CDK15: variants seen among roughly 807,000 people sequenced by gnomAD.
The protein encoded by CDK15 is cyclin dependent kinase 15, also known as cyclin-dependent kinase 15.
In CDK15, 62 loss-of-function variants were observed where a neutral mutation model predicts 60.3. The observed-to-expected ratio is 1.03, with a 90% CI of 0.84 to 1.27. The LOEUF (loss-of-function observed/expected upper bound fraction) is 1.27, where lower values mean the gene tolerates loss of function less well. CDK15 is among the 50% of genes most tolerant of loss of function. The pLI, the probability that CDK15 is intolerant of heterozygous loss-of-function variation, is 0.00. For synonymous variants in CDK15, 194 were observed against 195.7 expected (o/e 0.99, Z 0.07); for missense variants, 541 against 527.8 (o/e 1.03, Z -0.25).
chr2:201,806,879 G>C (rs1039792251), intron 1 of CDK15, 92 bp downstream of exon 1: 2 of 1,457,542 alleles, frequency 1.4e-6, no homozygotes, highest in Admixed American at 3.6e-5. Flanking sequence ...ATTCTTCTGC[G>C]GTAGGTCTAA....
chr2:201,873,987 G>T (rs1698968139), intron 11 of CDK15, among the ~76,000 whole-genome samples: 1 of 151,192 alleles, frequency 6.6e-6, no homozygotes, highest in Non-Finnish European at 1.5e-5. Context: ...CCGGGAGGCG[G>T]AGGTTGCAGT....
At chr2:201,812,200 C>A (rs112033691) in intron 3 of CDK15, among the ~76,000 whole-genome samples, 8,212 of 134,302 alleles carry the variant, frequency 0.061, 351 homozygotes, top group African/African-American at 0.12. Flanking sequence ...AACAAAAAAA[C>A]AAAAAAACAC....
At chr2:201,888,769 C>T in intron 12 of CDK15, 1 of 1,178,326 alleles carries the variant, frequency 8.5e-7, no homozygotes, top group Non-Finnish European at 1.1e-6. Flanking sequence ...TTTTGAGGGG[C>T]AAGGAAGCCG....
chr2:201,817,056 C>T (rs1449874438), intron 4 of CDK15, among the ~76,000 whole-genome samples: 1 of 152,256 alleles, frequency 6.6e-6, no homozygotes, highest in African/African-American at 2.4e-5. Context: ...ACACCCGCTG[C>T]TGCTGAACAC....
At chr2:201,830,252 A>G (rs931145018) in intron 6 of CDK15, among the ~76,000 whole-genome samples, 1 of 152,152 alleles carries the variant, frequency 6.6e-6, no homozygotes, top group Non-Finnish European at 1.5e-5. Flanking sequence ...GAATATCAAT[A>G]TATTAGATTT....
intron 6 of CDK15, among the ~76,000 whole-genome samples, chr2:201,825,312 C>CAAAAAA (rs200857853): frequency 1.7e-4 from 15 of 86,896 alleles, no homozygotes; most frequent in South Asian, 3.4e-4. Flanking sequence ...GACTCCAACT[C>CAAAAAA]AAAAAAAAAA....
At chr2:201,892,052 C>T (rs1306594734) in intron 13 of CDK15, among the ~76,000 whole-genome samples, 1 of 152,200 alleles carries the variant, frequency 6.6e-6, no homozygotes, top group South Asian at 2.1e-4. Flanking sequence ...TTAAAGATAT[C>T]GGCTTCCTGG....
At chr2:201,878,038 C>T (rs972730892) in intron 11 of CDK15, among the ~76,000 whole-genome samples, 1 of 152,106 alleles carries the variant, frequency 6.6e-6, no homozygotes, top group Non-Finnish European at 1.5e-5. Flanking sequence ...TTAAGTAAGC[C>T]CATCTATGTC....
intron 3 of CDK15, among the ~76,000 whole-genome samples, chr2:201,811,312 G>A (rs1238767676): frequency 1.4e-4 from 22 of 151,812 alleles, no homozygotes; most frequent in Admixed American, 1.3e-3. Context: ...CACCACACCC[G>A]GCTAATTTTT....
intron 12 of CDK15, among the ~76,000 whole-genome samples, chr2:201,884,378 C>G (rs1365844009): frequency 6.6e-6 from 1 of 152,160 alleles, no homozygotes; most frequent in Non-Finnish European, 1.5e-5. Context: ...ACCACAGCCC[C>G]CATTGTTAGA....
At chr2:201,883,448 C>T (rs1699350065) in intron 12 of CDK15, among the ~76,000 whole-genome samples, 1 of 152,182 alleles carries the variant, frequency 6.6e-6, no homozygotes, top group African/African-American at 2.4e-5. Flanking sequence ...ACAATGCTTT[C>T]CCTAGGTTGT....
chr2:201,866,669 T>G (rs2105808354), intron 10 of CDK15, among the ~76,000 whole-genome samples: 1 of 152,286 alleles, frequency 6.6e-6, no homozygotes, highest in South Asian at 2.1e-4. Flanking sequence ...CCTATTATTT[T>G]TAGAGGCTAT....
At chr2:201,836,242 T>C (rs1697082773) in intron 8 of CDK15, among the ~76,000 whole-genome samples, 1 of 140,354 alleles carries the variant, frequency 7.1e-6, no homozygotes, top group Non-Finnish European at 1.5e-5. Context: ...CTCACTCTAT[T>C]GCCCAGGCTG....
intron 8 of CDK15, among the ~76,000 whole-genome samples, chr2:201,844,325 C>A (rs947568167): frequency 6.6e-6 from 1 of 152,102 alleles, no homozygotes; most frequent in Non-Finnish European, 1.5e-5. Flanking sequence ...GGGTGGAGAC[C>A]ATTTGGTGGT....
rs149671631 is a variant in CDK15 at position 201,812,650 on chromosome 2, G to C, written c.448+88G>C. 4.1e-4 allele frequency: 285 copies of C among 699,474 alleles called. 1 individual carries two copies. The African/African-American group carries it at 4.5e-3, about 11-fold the overall frequency. 43.3% of individuals were successfully genotyped at this position (699,474 alleles called of 1,614,324 possible). A position where few individuals can be genotyped will look rare whatever the true frequency, so the allele number is the denominator to read the frequency against. On this transcript the variant is annotated intron_variant, in intron 4 of 13. Coordinates refer to ENST00000652192, the MANE Select transcript of CDK15 (RefSeq NM_001366386.2). ...ATTGCATTGATCCATTCAGCATCTA[G>C]TTTTGATTCTTCTGGAATACTATAA... is the stretch of plus-strand genomic sequence containing the variant.
At chr2:201,819,367 G>A (rs754605740) in intron 4 of CDK15, among the ~76,000 whole-genome samples, 1 of 152,208 alleles carries the variant, frequency 6.6e-6, no homozygotes, top group Non-Finnish European at 1.5e-5. Flanking sequence ...ACAGCTAGGA[G>A]GCCAGTGAGG....
intron 9 of CDK15, among the ~76,000 whole-genome samples, chr2:201,848,447 A>G (rs1384942089): frequency 6.6e-6 from 1 of 152,164 alleles, no homozygotes; most frequent in Non-Finnish European, 1.5e-5. Context: ...TCAGCATTAA[A>G]TACATTCATA....
chr2:201,872,321 G>C lies in CDK15; in HGVS notation c.1053G>C (p.Trp351Cys), dbSNP rs1035442017. Residue 351 changes from tryptophan (W) to cysteine (C), a missense_variant, in exon 11 of 14, where the codon TGG (tryptophan) becomes TGC (cysteine). By Grantham distance (215) the Trp-to-Cys change is radical (BLOSUM62 -2). Coordinates refer to ENST00000652192, the MANE Select transcript of CDK15 (RefSeq NM_001366386.2). Reference protein sequence around the residue: ...LPTPRSLHVVWNRLGRVPEAE... With the variant: ...LPTPRSLHVVCNRLGRVPEAE... ...CGCCTCGAAGCCTTCATGTTGTCTG[G>C]AACAGGTGAGTACTACCTCAGGAAG... 10 of 1,613,916 alleles carry C rather than the reference G, an allele frequency of 6.2e-6. No homozygotes were observed. The highest frequency in any genetic ancestry group is 8.5e-6 in the Non-Finnish European group (10 of 1,179,906).
rs778197765 is a variant in CDK15 at position 201,806,806 on chromosome 2, A to G, written c.123+19A>G. ...GTTCAAGGTATTTGTATCCCAGGAG[A>G]GAGCATCTTTCTCTATTGATAAACC... On this transcript the variant is annotated intron_variant, in intron 1 of 13. Coordinates refer to ENST00000652192, the MANE Select transcript of CDK15 (RefSeq NM_001366386.2). 1.9e-6 allele frequency: 3 copies of G among 1,596,988 alleles called. No individual in the cohort carries two copies. The highest frequency in any genetic ancestry group is 1.6e-4 in the Middle Eastern group (1 of 6,062).
Sources: allele counts gnomAD v4.1 joint callset (sites outside exome capture counted in the v4.1 genomes callset), GRCh38; gene constraint gnomAD v4.1.1; transcripts MANE v1.5; gene names NCBI Gene and HGNC (gene_info 2026-07-23, HGNC 2026-07-21).